Variants in CDK14 observed in about 807,000 individuals in gnomAD.
CDK14 encodes the protein cyclin-dependent kinase 14.
A neutral mutation model predicts 60.7 loss-of-function variants in CDK14; 34 were observed. That is an observed-to-expected ratio of 0.56 (90% CI 0.43 to 0.75). The LOEUF is 0.75. Ranked by LOEUF, CDK14 falls within the 30% of genes least tolerant of loss-of-function variation. The probability of loss-of-function intolerance (pLI) is 0.00; values close to 1 mark genes in which losing one functional copy is unlikely to be tolerated. For missense variants in CDK14, 482 were observed against 564.1 expected, an observed-to-expected ratio of 0.85 and a Z score of 1.47; for synonymous variants, 197 against 203.7, an observed-to-expected ratio of 0.97 and a Z score of 0.28.
At chr7:90,794,127 C>G (rs954795827) in intron 5 of CDK14, among the ~76,000 whole-genome samples, 12 of 152,032 alleles carry the variant, frequency 7.9e-5, no homozygotes, top group Non-Finnish European at 1.6e-4. Context: ...GTAAAACCAG[C>G]AAGTTTTTAT....
chr7:90,713,630 T>C (rs1218458166), intron 2 of CDK14, among the ~76,000 whole-genome samples: 4 of 150,320 alleles, frequency 2.7e-5, no homozygotes, highest in Non-Finnish European at 5.9e-5. Context: ...GGAAGTACTT[T>C]TTTTTTTTTT....
intron 9 of CDK14, among the ~76,000 whole-genome samples, chr7:90,962,480 C>T (rs184762118): frequency 7.9e-5 from 12 of 151,224 alleles, no homozygotes; most frequent in South Asian, 4.2e-4. Flanking sequence ...AGTGAGACTC[C>T]GTCTCAAAAA....
chr7:90,869,656 G>C (rs1791302848), intron 6 of CDK14, among the ~76,000 whole-genome samples: 1 of 152,216 alleles, frequency 6.6e-6, no homozygotes, highest in Non-Finnish European at 1.5e-5. Flanking sequence ...ATTGCAATAA[G>C]ATCTAAACAT....
At chr7:90,697,594 G>A (rs896072220) in intron 2 of CDK14, among the ~76,000 whole-genome samples, 8 of 152,076 alleles carry the variant, frequency 5.3e-5, no homozygotes, top group African/African-American at 1.9e-4. Context: ...GAATTATATG[G>A]AGCTGAACTG....
At chr7:91,025,568 T>G (rs1796546075) in intron 10 of CDK14, among the ~76,000 whole-genome samples, 1 of 152,208 alleles carries the variant, frequency 6.6e-6, no homozygotes, top group Admixed American at 6.5e-5. Context: ...GGTACTTTAA[T>G]GTATTATAGG....
chr7:90,810,910 G>C (rs1197127969), intron 5 of CDK14, among the ~76,000 whole-genome samples: 1 of 151,880 alleles, frequency 6.6e-6, no homozygotes, highest in African/African-American at 2.4e-5. Context: ...AACTTACAAG[G>C]GACGTGAAGG....
At chr7:90,722,099 C>A (rs1214358618) in intron 2 of CDK14, among the ~76,000 whole-genome samples, 10 of 152,092 alleles carry the variant, frequency 6.6e-5, no homozygotes, top group Non-Finnish European at 1.2e-4. Flanking sequence ...CTACCCTCCC[C>A]TTTTCTCCCC....
At chr7:90,940,136 G>T (rs916760015) in intron 8 of CDK14, among the ~76,000 whole-genome samples, 16 of 152,034 alleles carry the variant, frequency 1.1e-4, no homozygotes, top group Non-Finnish European at 2.4e-4. Flanking sequence ...TACAAAATGG[G>T]AGTATAGTGA....
At chr7:90,977,988 A>G (rs1795126761) in intron 9 of CDK14, among the ~76,000 whole-genome samples, 1 of 152,148 alleles carries the variant, frequency 6.6e-6, no homozygotes, top group African/African-American at 2.4e-5. Flanking sequence ...AAATAGGGTG[A>G]GACACTGGGG....
chr7:90,892,560 A>G (rs1410030249), intron 6 of CDK14, among the ~76,000 whole-genome samples: 1 of 152,124 alleles, frequency 6.6e-6, no homozygotes, highest in Non-Finnish European at 1.5e-5. Flanking sequence ...CTTGCTTTTT[A>G]TATTGATCCA....
At chr7:90,666,515 A>G (rs889937760) in intron 2 of CDK14, 2 of 152,194 alleles carry the variant, frequency 1.3e-5, no homozygotes, top group African/African-American at 4.8e-5. Context: ...AACAGCTTTG[A>G]GAATTAGTGT....
intron 11 of CDK14, among the ~76,000 whole-genome samples, chr7:91,069,121 T>C (rs1423615221): frequency 6.6e-6 from 1 of 152,254 alleles, no homozygotes; most frequent in Non-Finnish European, 1.5e-5. Flanking sequence ...TGTTTAAAGA[T>C]AGGAAACTGA....
chr7:90,683,921 T>C (rs894371643), intron 2 of CDK14, among the ~76,000 whole-genome samples: 1 of 151,910 alleles, frequency 6.6e-6, no homozygotes, highest in Non-Finnish European at 1.5e-5. Context: ...TGTGTGTGTG[T>C]GTGTGTGTGT....
intron 10 of CDK14, among the ~76,000 whole-genome samples, chr7:90,996,066 C>G (rs1795673847): frequency 1.3e-5 from 2 of 152,156 alleles, no homozygotes; most frequent in African/African-American, 2.4e-5. Context: ...TCCTTTGTTT[C>G]TCACAGAGAT....
chr7:91,067,150 T>C (rs1483037089), intron 11 of CDK14, among the ~76,000 whole-genome samples: 1 of 152,254 alleles, frequency 6.6e-6, no homozygotes, highest in African/African-American at 2.4e-5. Context: ...TAAATATGCT[T>C]GTTGTCAACT....
intron 14 of CDK14, among the ~76,000 whole-genome samples, chr7:91,133,572 A>G (rs1800178749): frequency 6.6e-6 from 1 of 152,218 alleles, no homozygotes; most frequent in Admixed American, 6.5e-5. Flanking sequence ...ATGGAGAAAT[A>G]CATGGGATAA....
intron 2 of CDK14, among the ~76,000 whole-genome samples, chr7:90,642,105 A>G (rs1338623069): frequency 6.6e-6 from 1 of 152,206 alleles, no homozygotes; most frequent in Non-Finnish European, 1.5e-5. Context: ...TTGAGTGGGG[A>G]CGCAGAGCCA....
intron 14 of CDK14, among the ~76,000 whole-genome samples, chr7:91,136,739 T>C (rs1184310389): frequency 1.3e-5 from 2 of 152,190 alleles, no homozygotes; most frequent in Non-Finnish European, 2.9e-5. Context: ...TTTTAGTTGT[T>C]TTTTATTCTT....
chr7:90,657,019 G>T (rs539020075), intron 2 of CDK14, among the ~76,000 whole-genome samples: 2 of 146,152 alleles, frequency 1.4e-5, no homozygotes, highest in East Asian at 2.2e-4. Context: ...TACTTGCAGA[G>T]AAATATTTAA....
Sources: allele counts gnomAD v4.1 joint callset (sites outside exome capture counted in the v4.1 genomes callset), GRCh38; gene constraint gnomAD v4.1.1; transcripts MANE v1.5; gene names NCBI Gene and HGNC (gene_info 2026-07-23, HGNC 2026-07-21).